The following ASCC3 variants were observed in gnomAD, a reference collection of about 807,000 sequenced individuals.
The protein encoded by ASCC3 is ASC-1 complex subunit P200.
A neutral mutation model predicts 256.3 loss-of-function variants in ASCC3; 158 were observed. That is an observed-to-expected ratio of 0.62 (90% CI 0.54 to 0.70). ASCC3 has a LOEUF of 0.70. ASCC3 is among the 30% of genes least tolerant of loss of function. The probability of loss-of-function intolerance (pLI) is 0.00; values close to 1 mark genes in which losing one functional copy is unlikely to be tolerated. For missense variants in ASCC3, 2,259 were observed against 2,626.0 expected, an observed-to-expected ratio of 0.86 and a Z score of 3.05; for synonymous variants, 948 against 883.4, an observed-to-expected ratio of 1.07 and a Z score of -1.30.
intron 17 of ASCC3, among the ~76,000 whole-genome samples, chr6:100,654,060 G>C (rs1359667549): frequency 6.6e-6 from 1 of 152,012 alleles, no homozygotes; most frequent in African/African-American, 2.4e-5. Flanking sequence ...CAGGAAAATG[G>C]AGCAAAAGAA....
At chr6:100,549,639 G>A (rs1336069314) in intron 36 of ASCC3, among the ~76,000 whole-genome samples, 1 of 151,632 alleles carries the variant, frequency 6.6e-6, no homozygotes, top group Non-Finnish European at 1.5e-5. Flanking sequence ...GTCCCCATCA[G>A]AAAGTTCACT....
At chr6:100,542,817 G>A (rs878997519) in intron 36 of ASCC3, among the ~76,000 whole-genome samples, 1 of 151,940 alleles carries the variant, frequency 6.6e-6, no homozygotes, top group Admixed American at 6.6e-5. Context: ...CATGCTTAAT[G>A]TTAAAGTCAT....
intron 25 of ASCC3, among the ~76,000 whole-genome samples, chr6:100,631,694 T>C (rs1261881205): frequency 2.6e-5 from 4 of 151,954 alleles, no homozygotes; most frequent in Non-Finnish European, 5.9e-5. Context: ...AACTATTGTT[T>C]AAATTTTAAT....
chr6:100,872,741 C>T (rs556108398), intron 1 of ASCC3, among the ~76,000 whole-genome samples: 1 of 152,146 alleles, frequency 6.6e-6, no homozygotes, highest in Admixed American at 6.5e-5. Flanking sequence ...CCAGTACCAG[C>T]CCAAAGCCTG....
intron 4 of ASCC3, among the ~76,000 whole-genome samples, chr6:100,845,250 A>G (rs1023173602): frequency 2.0e-5 from 3 of 152,136 alleles, no homozygotes; most frequent in African/African-American, 7.2e-5. Flanking sequence ...TCAATTTGCT[A>G]ATCCATAAAA....
chr6:100,743,803 C>T (rs6939613), intron 10 of ASCC3, among the ~76,000 whole-genome samples: 143,088 of 152,208 alleles, frequency 0.94, 67,583 homozygotes, highest in South Asian at 0.99. Context: ...CCCTACAATA[C>T]AAGATGAAAA....
intron 30 of ASCC3, 77 bp from the exon 31 acceptor site, chr6:100,607,165 C>T: frequency 2.7e-6 from 4 of 1,472,024 alleles, no homozygotes; most frequent in Non-Finnish European, 2.8e-6. Context: ...TTTCAAAAAA[C>T]ATTAATTTTG....
chr6:100,825,259 G>A (rs1293247220), intron 4 of ASCC3, among the ~76,000 whole-genome samples: 3 of 148,198 alleles, frequency 2.0e-5, no homozygotes, highest in Admixed American at 6.9e-5. Flanking sequence ...AAAACACTAT[G>A]AGATTCTTTT....
intron 36 of ASCC3, among the ~76,000 whole-genome samples, chr6:100,576,522 A>T (rs1770870928): frequency 6.6e-6 from 1 of 152,018 alleles, no homozygotes; most frequent in Non-Finnish European, 1.5e-5. Context: ...AAAAAGTTCT[A>T]AGGAGCTACC....
chr6:100,636,749 G>C (rs919764840), intron 25 of ASCC3, among the ~76,000 whole-genome samples: 1 of 152,128 alleles, frequency 6.6e-6, no homozygotes, highest in Non-Finnish European at 1.5e-5. Context: ...TTTTATTCCC[G>C]ATACGGAGAA....
At chr6:100,779,507 T>G (rs766672505) in intron 8 of ASCC3, among the ~76,000 whole-genome samples, 5 of 152,178 alleles carry the variant, frequency 3.3e-5, no homozygotes, top group African/African-American at 4.8e-5. Context: ...GGAGTCCCCT[T>G]TTCATCTCTC....
rs1779174177 is a variant in ASCC3, at chr6:100,718,225, C to T, written c.1929G>A (p.Arg643=). ...RQVESTQSMI[R]ILGLSATLPN... is the part of the protein sequence containing the mutation. ...GTAAAGTTGCAGACAGTCCGAGAAT[C>T]CTTATCATACTCTGTGTGGATTCCA... Residue 643 remains arginine, a synonymous_variant, in exon 12 of 42, where the codon AGG becomes AGA. Transcript: ENST00000369162. 6.2e-7 allele frequency: 1 copy of T among 1,611,582 alleles called. No homozygotes were observed. Among genetic ancestry groups the T allele is most frequent in the Non-Finnish European group, 8.5e-7 (1 of 1,178,162 alleles).
intron 4 of ASCC3, among the ~76,000 whole-genome samples, chr6:100,827,542 T>G (rs979908742): frequency 5.9e-5 from 9 of 152,198 alleles, no homozygotes; most frequent in African/African-American, 1.9e-4. Context: ...TCATATTCTA[T>G]TAGATGCATT....
At chr6:100,863,968 T>C (rs1562353723) in intron 3 of ASCC3, 96 bp downstream of exon 3, 2 of 1,139,888 alleles carry the variant, frequency 1.8e-6, no homozygotes, top group Non-Finnish European at 2.4e-6. Context: ...CAGGAAATTT[T>C]AGCTTTCCTT....
intron 37 of ASCC3, among the ~76,000 whole-genome samples, chr6:100,522,138 C>G (rs1433103743): frequency 6.6e-6 from 1 of 152,122 alleles, no homozygotes; most frequent in Non-Finnish European, 1.5e-5. Context: ...CTCTTATCCA[C>G]TTTCTACTTG....
intron 16 of ASCC3, among the ~76,000 whole-genome samples, chr6:100,661,061 A>T (rs1436081227): frequency 6.6e-6 from 1 of 151,746 alleles, no homozygotes; most frequent in Non-Finnish European, 1.5e-5. Flanking sequence ...TTGATTACAA[A>T]TATTTCAAAG....
chr6:100,563,290 A>C (rs1387107212), intron 36 of ASCC3, among the ~76,000 whole-genome samples: 1 of 152,076 alleles, frequency 6.6e-6, no homozygotes, highest in Non-Finnish European at 1.5e-5. Flanking sequence ...CCGTTTTAGA[A>C]TTTTAAAAGG....
chr6:100,670,261 G>A (rs1397848028), intron 14 of ASCC3, among the ~76,000 whole-genome samples: 2 of 151,920 alleles, frequency 1.3e-5, no homozygotes, highest in African/African-American at 2.4e-5. Flanking sequence ...ACACTACCCA[G>A]TGCTGGCAAA....
At chr6:100,513,315 T>A (rs1773867660) in intron 39 of ASCC3, among the ~76,000 whole-genome samples, 1 of 152,206 alleles carries the variant, frequency 6.6e-6, no homozygotes. Flanking sequence ...TCCTTTATTG[T>A]AAATCCTTCC....
Sources: allele counts gnomAD v4.1 joint callset (sites outside exome capture counted in the v4.1 genomes callset), GRCh38; gene constraint gnomAD v4.1.1; transcripts MANE v1.5; gene names NCBI Gene and HGNC (gene_info 2026-07-23, HGNC 2026-07-21).